Variants in TOX observed in about 807,000 individuals in gnomAD.
The protein encoded by TOX is thymocyte selection-associated high mobility group box protein TOX.
Under a neutral mutation model 53.7 loss-of-function variants are expected in TOX, and 11 were observed. The ratio of observed to expected loss-of-function variants is 0.20; its 90% CI spans 0.13 to 0.34. TOX has a LOEUF of 0.34. TOX is among the 10% of genes least tolerant of loss of function. The pLI, the probability that TOX is intolerant of heterozygous loss-of-function variation, is 1.00. For synonymous variants in TOX, 225 were observed against 245.3 expected (o/e 0.92, Z 0.77); for missense variants, 570 against 664.6 (o/e 0.86, Z 1.56).
At chr8:59,056,860 T>C (rs1430557945) in intron 1 of TOX, among the ~76,000 whole-genome samples, 1 of 152,200 alleles carries the variant, frequency 6.6e-6, no homozygotes, top group Non-Finnish European at 1.5e-5. Flanking sequence ...TCTCTCCGTT[T>C]TAACTAGCTG....
At chr8:59,077,380 T>C (rs1301867707) in intron 1 of TOX, among the ~76,000 whole-genome samples, 1 of 152,212 alleles carries the variant, frequency 6.6e-6, no homozygotes, top group Non-Finnish European at 1.5e-5. Flanking sequence ...TGAGGGCTCA[T>C]GTTAAGTTTA....
intron 3 of TOX, among the ~76,000 whole-genome samples, chr8:58,878,831 C>T (rs368026534): frequency 2.0e-5 from 3 of 152,078 alleles, no homozygotes; most frequent in East Asian, 1.9e-4. Context: ...GAGGCTGAGG[C>T]GGGCGGATCA....
chr8:59,103,553 C>T (rs145656559), intron 1 of TOX, among the ~76,000 whole-genome samples: 4 of 152,124 alleles, frequency 2.6e-5, no homozygotes, highest in Admixed American at 6.5e-5. Context: ...AAAGATGAAA[C>T]CTTAGCCTTC....
At chr8:58,880,781 A>C (rs997595515) in intron 3 of TOX, among the ~76,000 whole-genome samples, 3 of 152,190 alleles carry the variant, frequency 2.0e-5, no homozygotes, top group African/African-American at 7.2e-5. Flanking sequence ...TAAGTTATTT[A>C]TGGCTTAACA....
At chr8:58,964,057 A>G (rs1378545726) in intron 1 of TOX, among the ~76,000 whole-genome samples, 3 of 152,152 alleles carry the variant, frequency 2.0e-5, no homozygotes, top group Non-Finnish European at 4.4e-5. Flanking sequence ...ATATAAGCAC[A>G]GATGCCCTTA....
At chr8:59,017,183 CT>C (rs1180525014) in intron 1 of TOX, among the ~76,000 whole-genome samples, 2 of 152,170 alleles carry the variant, frequency 1.3e-5, no homozygotes, top group African/African-American at 2.4e-5. Context: ...GCAAGTAGAC[CT>C]TTAGTTAGCT....
intron 3 of TOX, among the ~76,000 whole-genome samples, chr8:58,929,040 G>A (rs967283895): frequency 1.3e-5 from 2 of 151,858 alleles, no homozygotes; most frequent in Admixed American, 1.3e-4. Context: ...ATTTTGAGAG[G>A]GTTTTTGCCT....
intron 3 of TOX, among the ~76,000 whole-genome samples, chr8:58,856,627 A>C (rs1810920772): frequency 6.6e-6 from 1 of 152,168 alleles, no homozygotes; most frequent in Non-Finnish European, 1.5e-5. Flanking sequence ...TAGCTGGCTC[A>C]AGGAGGACAT....
At chr8:58,998,536 T>TAAATTTATGTA (rs11272464) in intron 1 of TOX, among the ~76,000 whole-genome samples, 92 of 37,728 alleles carry the variant, frequency 2.4e-3, no homozygotes, top group South Asian at 0.012. Context: ...TATATATATA[T>TAAATTTATGTA]ATAAATTTAT....
Position 58,981,912 on chromosome 8 carries a change from C to A in TOX, c.103-21904G>T, listed in dbSNP as rs1813212828. ...ATCTGTCATTTCTCATCTTTCATCA[C>A]CCCCTTAAGCCTACAAAAAGGCTCA... On this transcript the variant is annotated intron_variant, in intron 1 of 8. Transcript: ENST00000361421. Among the ~76,000 whole-genome samples the A allele has an allele frequency of 2.0e-5, 3 of 152,156 alleles. No individual in the cohort carries two copies. The South Asian group carries it at 6.2e-4, about 32-fold the overall frequency.
At position 58,915,674 on chromosome 8, in the gene TOX, C is replaced by T. The variant is rs182040462; in HGVS notation, c.411+23628G>A. 1.3e-4 allele frequency among the ~76,000 whole-genome samples: 20 copies of T among 150,764 alleles called. 1 individual carries two copies. The highest frequency in any genetic ancestry group is 2.0e-4 in the Admixed American group (3 of 15,182). ...CCTCCTCCAAAGGAACGCAGTTCCT[C>T]ACCAGCAATGGAACAAAGCTGGATG... On this transcript the variant is annotated intron_variant, in intron 3 of 8. Transcript: ENST00000361421.
chr8:58,899,371 T>A (rs976207996), intron 3 of TOX, among the ~76,000 whole-genome samples: 1 of 152,210 alleles, frequency 6.6e-6, no homozygotes, highest in Non-Finnish European at 1.5e-5. Context: ...TAGACACCAG[T>A]CTTTTTAAAA....
chr8:59,114,614 G>A (rs1180949042), intron 1 of TOX, among the ~76,000 whole-genome samples: 1 of 152,140 alleles, frequency 6.6e-6, no homozygotes, highest in Non-Finnish European at 1.5e-5. Flanking sequence ...CAAAGTCCTA[G>A]AAGTTATGGA....
chr8:58,813,811 T>A (rs1033908671), intron 7 of TOX, among the ~76,000 whole-genome samples: 70 of 152,228 alleles, frequency 4.6e-4, no homozygotes, highest in African/African-American at 1.6e-3. Context: ...CGACTTTGAT[T>A]TGAGAAGTAA....
At chr8:58,951,483 A>G (rs1812620076) in intron 2 of TOX, among the ~76,000 whole-genome samples, 1 of 151,148 alleles carries the variant, frequency 6.6e-6, no homozygotes, top group Non-Finnish European at 1.5e-5. Flanking sequence ...ACAAGAAATA[A>G]AAAAAAAACT....
intron 2 of TOX, among the ~76,000 whole-genome samples, chr8:58,955,231 A>C (rs989295877): frequency 1.3e-5 from 2 of 152,174 alleles, no homozygotes; most frequent in African/African-American, 4.8e-5. Context: ...GGGAGAGAGA[A>C]AACTGCTCAC....
chr8:59,106,900 A>C lies in TOX; in HGVS notation c.102+11986T>G, dbSNP rs549251856. ...TTTCATTAAAAATGAAAATGTGTCA[A>C]AAAGATTTTGTATGGCAAGCTATGT... is the stretch of plus-strand genomic sequence containing the variant. On this transcript the variant is annotated intron_variant, in intron 1 of 8. Coordinates refer to ENST00000361421, the MANE Select transcript of TOX (RefSeq NM_014729.3). Among the ~76,000 whole-genome samples the C allele has an allele frequency of 2.0e-5, 3 of 152,184 alleles. No individual in the cohort carries two copies. In the East Asian group the frequency reaches 5.8e-4, roughly 29 times the overall value.
intron 1 of TOX, among the ~76,000 whole-genome samples, chr8:59,092,279 ATATTATATATACAT>A (rs1804626953): frequency 1.7e-5 from 2 of 119,558 alleles, no homozygotes; most frequent in African/African-American, 3.5e-5. Context: ...ATATATATAT[ATATTATATATACAT>A]TATATATATT....
At chr8:59,069,184 T>G (rs952220532) in intron 1 of TOX, among the ~76,000 whole-genome samples, 1 of 152,052 alleles carries the variant, frequency 6.6e-6, no homozygotes, top group East Asian at 1.9e-4. Flanking sequence ...GGGGAAGTGT[T>G]GAAGGATAGA....
Sources: gnomAD v4.1 joint callset for allele counts (sites outside exome capture counted in the v4.1 genomes callset) on GRCh38, gnomAD v4.1.1 for gene constraint, MANE v1.5 for transcripts, NCBI Gene and HGNC (gene_info 2026-07-23, HGNC 2026-07-21) for gene names.